NHS: variants seen among roughly 807,000 people sequenced by gnomAD.
The protein encoded by NHS is actin remodeling regulator NHS.
Under a neutral mutation model 72.5 loss-of-function variants are expected in NHS, and 5 were observed. The ratio of observed to expected loss-of-function variants is 0.07; its 90% CI spans 0.04 to 0.14. The LOEUF (loss-of-function observed/expected upper bound fraction) is 0.14. Among genes scored for constraint, NHS ranks in the 10% least tolerant of loss-of-function variants. NHS has a pLI of 1.00. For synonymous variants in NHS, 464 were observed against 547.7 expected (o/e 0.85, Z 2.13); for missense variants, 1,072 against 1,355.7 (o/e 0.79, Z 3.29).
intron 1 of NHS, among the ~76,000 whole-genome samples, chrX:17,515,019 G>T (rs747058725): frequency 9.0e-6 from 1 of 111,598 alleles, no homozygotes; most frequent in East Asian, 2.8e-4. Context: ...CTATAAATCA[G>T]GTCAGCTTAG....
chrX:17,452,636 A>G (rs187176204), intron 1 of NHS, among the ~76,000 whole-genome samples: 220 of 111,443 alleles, frequency 2.0e-3, no homozygotes, highest in African/African-American at 6.4e-3. Context: ...CACATTCTCC[A>G]GGAGAGCATG....
intron 1 of NHS, among the ~76,000 whole-genome samples, chrX:17,377,398 G>A (rs1282350057): frequency 1.8e-5 from 2 of 113,182 alleles, no homozygotes; most frequent in African/African-American, 6.4e-5. Context: ...GGTAGACAGG[G>A]GCGCTGGGTT....
chrX:17,522,668 C>T (rs1434090720), intron 1 of NHS, among the ~76,000 whole-genome samples: 1 of 64 alleles, frequency 0.016, no homozygotes, highest in African/African-American at 0.071. Context: ...CAAATGTGGG[C>T]TTGCTGTAGC....
intron 1 of NHS, among the ~76,000 whole-genome samples, chrX:17,389,783 G>A (rs1228230753): frequency 1.8e-5 from 2 of 109,483 alleles, no homozygotes; most frequent in East Asian, 5.7e-4. Context: ...TGTAGTTTTA[G>A]TAGAGATGGG....
chrX:17,725,357 A>G lies in NHS; in HGVS notation c.1251A>G (p.Glu417=). The change falls in exon 7 of 9, where the codon GAA becomes GAG. Residue 417 remains glutamate (E), a synonymous_variant. Coordinates refer to ENST00000676302, the MANE Select transcript of NHS (RefSeq NM_001291867.2). ...TTCCATGTGCCCTAGATTCTGATGA[A>G]TCACCAGTGGCCAGGGAAAGGAATG... ...RRVQQEIDSD[E]SPVARERNVI... is the part of the protein sequence containing the mutation. 8.3e-7 allele frequency: 1 copy of G among 1,207,591 alleles called. No homozygotes were observed. The highest frequency in any genetic ancestry group is 1.1e-6 in the Non-Finnish European group (1 of 892,133).
At position 17,716,960 on chromosome X, in the gene NHS, C is replaced by CT. The variant is rs199717924; in HGVS notation, c.853-2383dup. 6.8e-3 allele frequency among the ~76,000 whole-genome samples: 697 copies of CT among 103,140 alleles called. 14 individuals are homozygous for CT. Among genetic ancestry groups the CT allele is most frequent in the African/African-American group, 0.025 (666 of 27,013 alleles). The allele number at this position is 103,140 out of a possible 115,157, so 89.6% of individuals were successfully genotyped here. A position where few individuals can be genotyped will look rare whatever the true frequency, so the allele number is the denominator to read the frequency against. On this transcript the variant is annotated intron_variant, in intron 3 of 8. Coordinates refer to ENST00000676302, the MANE Select transcript of NHS (RefSeq NM_001291867.2). ...CCTGAGATCTTGAGCATTCCCCTTA[C>CT]TCTTTTTTTTTTTTTTTTTCCCTCC...
At position 17,462,750 on chromosome X, in the gene NHS, T is replaced by G. The variant is rs371375448; in HGVS notation, c.565+86428T>G. ...GCAATTTAAGATTCAAATCCAGGTCTGAAGGGTCAACTGTCTTATCTAATT... is the reference window on the plus strand; with the variant it reads ...GCAATTTAAGATTCAAATCCAGGTCGGAAGGGTCAACTGTCTTATCTAATT... On this transcript the variant is annotated intron_variant, in intron 1 of 8. Coordinates refer to ENST00000676302, the MANE Select transcript of NHS (RefSeq NM_001291867.2). 3.6e-5 allele frequency among the ~76,000 whole-genome samples: 4 copies of G among 111,913 alleles called. No homozygotes were observed. The East Asian group carries it at 1.1e-3, about 31-fold the overall frequency.
At chrX:17,521,871 C>A (rs1333043106) in intron 1 of NHS, among the ~76,000 whole-genome samples, 1 of 112,747 alleles carries the variant, frequency 8.9e-6, no homozygotes, top group Non-Finnish European at 1.9e-5. Context: ...GTCACCATAG[C>A]TGAAGCAAAG....
Position 17,719,417 on chromosome X carries a change from T to C in NHS, c.915+11T>C, listed in dbSNP as rs555362023. The C allele has an allele frequency of 8.7e-7, 1 of 1,150,464 alleles. No individual in the cohort carries two copies. Among genetic ancestry groups the C allele is most frequent in the South Asian group, 1.9e-5 (1 of 51,830 alleles). 94.8% of individuals were successfully genotyped at this position (1,150,464 alleles called of 1,213,427 possible). On this transcript the variant is annotated intron_variant, in intron 4 of 8. Transcript: ENST00000676302. ...CCGTGGAGTAGAAAGGTATTGGTTC[T>C]GAGAACATTCCTTCACGGCCCTATC...
At chrX:17,648,879 T>C (rs1243787830) in intron 1 of NHS, among the ~76,000 whole-genome samples, 1 of 112,153 alleles carries the variant, frequency 8.9e-6, no homozygotes, top group East Asian at 2.8e-4. Context: ...AACATCAATT[T>C]CCTCACCATA....
At chrX:17,395,235 G>C (rs1257036479) in intron 1 of NHS, among the ~76,000 whole-genome samples, 1 of 111,308 alleles carries the variant, frequency 9.0e-6, no homozygotes. Flanking sequence ...TACTCAAAAG[G>C]GCTGGGATTA....
chrX:17,717,273 T>C (rs2066370351), intron 3 of NHS, among the ~76,000 whole-genome samples: 1 of 112,554 alleles, frequency 8.9e-6, no homozygotes, highest in Non-Finnish European at 1.9e-5. Flanking sequence ...GGCTGCCCCT[T>C]ACTTTCTTTG....
intron 1 of NHS, chrX:17,686,641 C>T (rs1014102600): frequency 1.2e-4 from 14 of 112,337 alleles, no homozygotes; most frequent in African/African-American, 3.6e-4. Flanking sequence ...GGTTTGGTAA[C>T]GACCTCTGCC....
chrX:17,433,072 C>G (rs184365864), intron 1 of NHS, among the ~76,000 whole-genome samples: 49 of 109,958 alleles, frequency 4.5e-4, no homozygotes, highest in African/African-American at 1.6e-3. Flanking sequence ...CTCTGTTGCC[C>G]AGGCTGGAGT....
chrX:17,668,984 G>A (rs2066028527), intron 1 of NHS, among the ~76,000 whole-genome samples: 1 of 111,839 alleles, frequency 8.9e-6, no homozygotes, highest in African/African-American at 3.3e-5. Flanking sequence ...TTAGGCAGAG[G>A]GTCTTGGGGA....
At chrX:17,536,370 CAAAA>C (rs1246778863) in intron 1 of NHS, among the ~76,000 whole-genome samples, 1 of 111,530 alleles carries the variant, frequency 9.0e-6, no homozygotes, top group East Asian at 2.8e-4. Context: ...AACAAACAAA[CAAAA>C]AACAAACAAA....
Position 17,735,015 on chromosome X carries a change from T to A in NHS, c.*2551T>A, listed in dbSNP as rs1263263340. 1.8e-5 allele frequency: 2 copies of A among 112,515 alleles called. No homozygotes were observed. The highest frequency in any genetic ancestry group is 3.2e-5 in the African/African-American group (1 of 30,830). 9.3% of individuals were successfully genotyped at this position (112,515 alleles called of 1,213,427 possible). On this transcript the variant is annotated 3_prime_UTR_variant, in exon 9 of 9. Transcript: ENST00000676302. Reference sequence around the variant, plus strand: ...TTAAGTAATGGTACCATATATTTTTTAAAATACATATTGACTTGAATTGTG... The same window carrying A: ...TTAAGTAATGGTACCATATATTTTTAAAAATACATATTGACTTGAATTGTG...
intron 1 of NHS, among the ~76,000 whole-genome samples, chrX:17,419,233 G>C (rs1171466724): frequency 8.9e-6 from 1 of 112,346 alleles, no homozygotes; most frequent in Non-Finnish European, 1.9e-5. Context: ...ACTCTTCAAC[G>C]GCCTGCCGTC....
intron 1 of NHS, among the ~76,000 whole-genome samples, chrX:17,594,527 C>T (rs1404284093): frequency 4.5e-5 from 5 of 112,212 alleles, no homozygotes; most frequent in African/African-American, 6.5e-5. Flanking sequence ...ACTCTGTCTC[C>T]GTTCTGCCTG....
Sources: gnomAD v4.1 joint callset for allele counts (sites outside exome capture counted in the v4.1 genomes callset) on GRCh38, gnomAD v4.1.1 for gene constraint, MANE v1.5 for transcripts, NCBI Gene and HGNC (gene_info 2026-07-23, HGNC 2026-07-21) for gene names.